The following SNX29 variants were observed in gnomAD, a reference collection of about 807,000 sequenced individuals.
The protein encoded by SNX29 is sorting nexin-29.
A neutral mutation model predicts 102.1 loss-of-function variants in SNX29; 78 were observed. The observed-to-expected ratio is 0.76, with a 90% CI of 0.64 to 0.92. SNX29 has a LOEUF of 0.92. SNX29 is among the 40% of genes least tolerant of loss of function. The pLI is 0.00. For missense variants in SNX29, 1,280 were observed against 1,061.7 expected (o/e 1.21, Z -2.86); for synonymous variants, 580 against 414.5 (o/e 1.40, Z -4.85).
At chr16:12,265,646 T>C (rs1047218363) in intron 14 of SNX29, among the ~76,000 whole-genome samples, 7 of 131,580 alleles carry the variant, frequency 5.3e-5, no homozygotes, top group Admixed American at 1.8e-4. Context: ...GGATCAATTG[T>C]GCCTAGGAGT....
At chr16:12,062,815 A>C (rs1218124845) in intron 9 of SNX29, among the ~76,000 whole-genome samples, 1 of 152,182 alleles carries the variant, frequency 6.6e-6, no homozygotes, top group Non-Finnish European at 1.5e-5. Context: ...AACCTACTCA[A>C]ACTAGCTGAA....
At chr16:12,158,919 C>G (rs753468840) in intron 13 of SNX29, among the ~76,000 whole-genome samples, 1 of 152,192 alleles carries the variant, frequency 6.6e-6, no homozygotes, top group Middle Eastern at 3.2e-3. Context: ...GATCTCAACT[C>G]AGAACGAGGA....
intron 20 of SNX29, among the ~76,000 whole-genome samples, chr16:12,565,244 T>TA (rs1302232057): frequency 5.9e-5 from 9 of 152,184 alleles, no homozygotes; most frequent in Admixed American, 4.6e-4. Context: ...TCTCAATCTA[T>TA]AAAGATGGCA....
chr16:12,136,393 G>T (rs2054662096), intron 13 of SNX29, among the ~76,000 whole-genome samples: 1 of 152,210 alleles, frequency 6.6e-6, no homozygotes, highest in South Asian at 2.1e-4. Flanking sequence ...CTGCCACTTG[G>T]TAACTTCTTA....
intron 15 of SNX29, among the ~76,000 whole-genome samples, chr16:12,312,307 C>G (rs1476938392): frequency 1.3e-5 from 2 of 152,190 alleles, no homozygotes; most frequent in Non-Finnish European, 2.9e-5. Context: ...GGGCTTGCTC[C>G]TCTCTGAATT....
intron 11 of SNX29, among the ~76,000 whole-genome samples, chr16:12,101,333 A>T (rs1596884683): frequency 7.9e-6 from 1 of 126,712 alleles, no homozygotes. Context: ...CAGAACCTTT[A>T]GCATCTCTCT....
intron 18 of SNX29, among the ~76,000 whole-genome samples, chr16:12,442,271 G>C (rs1392678813): frequency 6.6e-6 from 1 of 152,122 alleles, no homozygotes; most frequent in African/African-American, 2.4e-5. Flanking sequence ...TCTGTCCCTT[G>C]CATCTCTATG....
intron 4 of SNX29, among the ~76,000 whole-genome samples, chr16:12,031,853 A>G (rs1000482267): frequency 2.0e-5 from 3 of 152,172 alleles, no homozygotes; most frequent in Non-Finnish European, 4.4e-5. Flanking sequence ...TAAAATATAC[A>G]TAATGAAATT....
intron 14 of SNX29, among the ~76,000 whole-genome samples, chr16:12,215,211 C>T (rs1016658891): frequency 5.9e-5 from 9 of 151,932 alleles, no homozygotes; most frequent in Non-Finnish European, 1.3e-4. Context: ...AGGTCAGAGA[C>T]CGGCTGGGCA....
chr16:12,234,342 T>G (rs1009805028), intron 14 of SNX29, among the ~76,000 whole-genome samples: 3 of 152,252 alleles, frequency 2.0e-5, no homozygotes, highest in Non-Finnish European at 4.4e-5. Flanking sequence ...ACAAATGGCT[T>G]ACTGGCCATT....
chr16:12,382,183 C>T (rs549597619), intron 16 of SNX29, among the ~76,000 whole-genome samples: 1 of 152,186 alleles, frequency 6.6e-6, no homozygotes, highest in African/African-American at 2.4e-5. Context: ...TGAGGACCTG[C>T]GATAGACGAC....
At chr16:12,539,157 C>T (rs1054629038) in intron 20 of SNX29, among the ~76,000 whole-genome samples, 1 of 151,698 alleles carries the variant, frequency 6.6e-6, no homozygotes, top group Admixed American at 6.6e-5. Flanking sequence ...GACTTTTGCT[C>T]TTGTTCATGT....
intron 20 of SNX29, among the ~76,000 whole-genome samples, chr16:12,535,335 C>T (rs535361874): frequency 9.0e-4 from 137 of 152,276 alleles, no homozygotes; most frequent in Non-Finnish European, 1.7e-3. Context: ...GATGAGGTTT[C>T]GTGTTGGCCA....
chr16:12,540,391 A>G (rs963419270), intron 20 of SNX29, among the ~76,000 whole-genome samples: 1 of 152,192 alleles, frequency 6.6e-6, no homozygotes, highest in African/African-American at 2.4e-5. Context: ...CCAAATTGGC[A>G]CAAAGTTAGT....
At chr16:12,411,391 C>G (rs1175963509) in intron 18 of SNX29, among the ~76,000 whole-genome samples, 1 of 152,184 alleles carries the variant, frequency 6.6e-6, no homozygotes, top group African/African-American at 2.4e-5. Context: ...TTCTGAGGAT[C>G]ATAGCACATG....
intron 15 of SNX29, among the ~76,000 whole-genome samples, chr16:12,309,133 G>T (rs1425963025): frequency 6.6e-6 from 1 of 152,180 alleles, no homozygotes; most frequent in East Asian, 1.9e-4. Flanking sequence ...CAACCCTGCT[G>T]TGATTTCTAT....
At chr16:12,243,845 A>C (rs1328922810) in intron 14 of SNX29, among the ~76,000 whole-genome samples, 1 of 152,202 alleles carries the variant, frequency 6.6e-6, no homozygotes, top group Non-Finnish European at 1.5e-5. Context: ...CGGATTAAGT[A>C]GGGTAATAAC....
chr16:12,446,956 G>A (rs772973136), intron 18 of SNX29, among the ~76,000 whole-genome samples: 11 of 151,762 alleles, frequency 7.2e-5, no homozygotes, highest in Admixed American at 2.0e-4. Flanking sequence ...TTTGAGGTCA[G>A]GGGTTCAAGA....
At chr16:12,380,987 ATC>A (rs2083098213) in intron 16 of SNX29, among the ~76,000 whole-genome samples, 1 of 91,544 alleles carries the variant, frequency 1.1e-5, no homozygotes. Context: ...CCATCCATCC[ATC>A]CACCCACCCA....
Sources: allele counts gnomAD v4.1 joint callset (sites outside exome capture counted in the v4.1 genomes callset), GRCh38; gene constraint gnomAD v4.1.1; transcripts MANE v1.5; gene names NCBI Gene and HGNC (gene_info 2026-07-23, HGNC 2026-07-21).